DOCK1: variants seen among roughly 807,000 people sequenced by gnomAD.
DOCK1 encodes dedicator of cytokinesis 1, also known as dedicator of cytokinesis protein 1.
A neutral mutation model predicts 262.7 loss-of-function variants in DOCK1; 138 were observed. That is an observed-to-expected ratio of 0.53 (90% CI 0.46 to 0.61). DOCK1 has a LOEUF of 0.61. Ranked by LOEUF, DOCK1 falls within the 20% of genes least tolerant of loss-of-function variation. DOCK1 has a pLI of 0.00. For synonymous variants in DOCK1, 866 were observed against 867.4 expected, an observed-to-expected ratio of 1.00 and a Z score of 0.03; for missense variants, 1,908 against 2,370.7, an observed-to-expected ratio of 0.80 and a Z score of 4.05.
intron 29 of DOCK1, among the ~76,000 whole-genome samples, chr10:127,260,871 A>ATG (rs140171742): frequency 0.033 from 2,394 of 72,522 alleles, 198 homozygotes; most frequent in African/African-American, 0.11. Context: ...GTGTGTGTGC[A>ATG]TGTGTGTGTG....
intron 40 of DOCK1, among the ~76,000 whole-genome samples, chr10:127,406,469 G>T (rs1211720977): frequency 6.6e-6 from 1 of 152,146 alleles, no homozygotes; most frequent in East Asian, 1.9e-4. Flanking sequence ...TCATTCTGTG[G>T]GTCTGCAGCA....
chr10:126,929,896 G>T (rs1051588233), intron 1 of DOCK1, among the ~76,000 whole-genome samples: 2 of 152,118 alleles, frequency 1.3e-5, no homozygotes, highest in Non-Finnish European at 2.9e-5. Context: ...TGCAGCCACC[G>T]CCACTGCGTA....
At chr10:126,946,231 A>G (rs1487907925) in intron 1 of DOCK1, among the ~76,000 whole-genome samples, 1 of 152,138 alleles carries the variant, frequency 6.6e-6, no homozygotes, top group Non-Finnish European at 1.5e-5. Flanking sequence ...ACCGTCCCAG[A>G]CAGAAACTTT....
At chr10:126,963,014 T>C (rs1231160462) in intron 1 of DOCK1, among the ~76,000 whole-genome samples, 1 of 152,242 alleles carries the variant, frequency 6.6e-6, no homozygotes, top group Non-Finnish European at 1.5e-5. Flanking sequence ...CTTGGCATCC[T>C]TGTTGAAATC....
chr10:127,403,276 G>A, intron 39 of DOCK1, 132 bp downstream of exon 39: 2 of 843,820 alleles, frequency 2.4e-6, no homozygotes, highest in Non-Finnish European at 3.6e-6. Flanking sequence ...CCTCCGTTTT[G>A]CCTAGGAAGA....
intron 18 of DOCK1, among the ~76,000 whole-genome samples, chr10:127,035,045 G>A (rs1591758590): frequency 6.6e-6 from 1 of 152,210 alleles, no homozygotes; most frequent in Admixed American, 6.5e-5. Context: ...CCGATGTGAT[G>A]CCACTCACCA....
At chr10:127,002,965 C>T (rs563080608) in intron 10 of DOCK1, among the ~76,000 whole-genome samples, 2 of 152,380 alleles carry the variant, frequency 1.3e-5, no homozygotes, top group African/African-American at 4.8e-5. Flanking sequence ...CCTCACTGCT[C>T]TGCTCTGACT....
chr10:126,906,839 G>T (rs2030953378), intron 1 of DOCK1, among the ~76,000 whole-genome samples: 1 of 152,184 alleles, frequency 6.6e-6, no homozygotes, highest in African/African-American at 2.4e-5. Flanking sequence ...GAGCCAGCTG[G>T]ACAGTGGTCA....
intron 16 of DOCK1, among the ~76,000 whole-genome samples, chr10:127,031,223 G>C (rs2043217939): frequency 6.6e-6 from 1 of 152,230 alleles, no homozygotes; most frequent in Admixed American, 6.5e-5. Context: ...TCCAGGCCCT[G>C]TTGATTTCCG....
chr10:127,009,773 G>C (rs1424236680), intron 11 of DOCK1, among the ~76,000 whole-genome samples: 2 of 152,100 alleles, frequency 1.3e-5, no homozygotes, highest in Non-Finnish European at 2.9e-5. Context: ...GGTAGTAATT[G>C]GGTGGCTGAA....
intron 49 of DOCK1, 105 bp downstream of exon 49, chr10:127,439,330 T>C (rs1429472640): frequency 8.1e-7 from 1 of 1,231,384 alleles, no homozygotes; most frequent in Non-Finnish European, 1.1e-6. Context: ...TTGAACTTGT[T>C]ATAAATTAGC....
At chr10:126,951,367 AGTG>A (rs1283528565) in intron 1 of DOCK1, among the ~76,000 whole-genome samples, 8 of 146,656 alleles carry the variant, frequency 5.5e-5, no homozygotes, top group Non-Finnish European at 1.2e-4. Flanking sequence ...TAGTATTGGT[AGTG>A]GTGGTGGTAG....
intron 3 of DOCK1, 98 bp from the exon 4 acceptor site, chr10:126,981,819 TA>T (rs1485259816): frequency 8.4e-6 from 10 of 1,188,514 alleles, no homozygotes; most frequent in African/African-American, 1.6e-5. Flanking sequence ...AAGAGCGATC[TA>T]GCCACCCCTC....
chr10:127,383,755 T>C (rs867054556), intron 37 of DOCK1, among the ~76,000 whole-genome samples: 1 of 152,176 alleles, frequency 6.6e-6, no homozygotes, highest in Non-Finnish European at 1.5e-5. Flanking sequence ...CTGGCCTGGC[T>C]GAAAACAGGG....
At chr10:127,377,553 AC>A (rs1320861589) in intron 35 of DOCK1, among the ~76,000 whole-genome samples, 1 of 152,182 alleles carries the variant, frequency 6.6e-6, no homozygotes, top group East Asian at 1.9e-4. Context: ...AGTTAGTGGA[AC>A]ATTGTAAGTT....
At chr10:126,991,551 T>C (rs960954336) in intron 6 of DOCK1, among the ~76,000 whole-genome samples, 3 of 151,940 alleles carry the variant, frequency 2.0e-5, no homozygotes, top group Non-Finnish European at 4.4e-5. Context: ...TTTTTTGAGA[T>C]GGAGTTTCGG....
Position 127,418,506 on chromosome 10 carries a change from C to CGTT in DOCK1, c.4657_4658insGTT (p.Pro1553delinsArgSer). ...CATGCTCCTGAACGGCATCGTGGAC[C>CGTT]CAGCTGTCATGGGGGGCTTCGCAAA... is the stretch of plus-strand genomic sequence containing the variant. On this transcript the variant is annotated protein_altering_variant, in exon 45 of 52. Transcript: ENST00000623213. The CGTT allele has an allele frequency of 6.2e-7, 1 of 1,614,058 alleles. No homozygotes were observed. Among genetic ancestry groups the CGTT allele is most frequent in the Non-Finnish European group, 8.5e-7 (1 of 1,180,014 alleles).
intron 30 of DOCK1, among the ~76,000 whole-genome samples, chr10:127,342,229 C>G (rs1322787788): frequency 6.6e-6 from 1 of 152,128 alleles, no homozygotes; most frequent in Non-Finnish European, 1.5e-5. Flanking sequence ...TGGCTGCAGC[C>G]AGTGATTCCT....
chr10:126,946,918 C>T (rs1035344883), intron 1 of DOCK1, among the ~76,000 whole-genome samples: 38 of 152,304 alleles, frequency 2.5e-4, no homozygotes, highest in African/African-American at 7.2e-4. Flanking sequence ...ACGGTCACAG[C>T]GGACAGGCTC....
Sources: allele counts gnomAD v4.1 joint callset (sites outside exome capture counted in the v4.1 genomes callset), GRCh38; gene constraint gnomAD v4.1.1; transcripts MANE v1.5; gene names NCBI Gene and HGNC (gene_info 2026-07-23, HGNC 2026-07-21).